The following HS6ST3 variants were observed in gnomAD, a reference collection of about 807,000 sequenced individuals.
HS6ST3 encodes the protein heparan-sulfate 6-O-sulfotransferase 3.
In HS6ST3, 12 loss-of-function variants were observed where a neutral mutation model predicts 36.7. That is an observed-to-expected ratio of 0.33 (90% CI 0.21 to 0.53). The LOEUF (loss-of-function observed/expected upper bound fraction) is 0.53. HS6ST3 is among the 20% of genes least tolerant of loss of function. The pLI is 0.95. For synonymous variants in HS6ST3, 240 were observed against 257.5 expected, an observed-to-expected ratio of 0.93 and a Z score of 0.65; for missense variants, 584 against 640.9, an observed-to-expected ratio of 0.91 and a Z score of 0.96.
chr13:96,445,319 G>T (rs2055692879), intron 1 of HS6ST3, among the ~76,000 whole-genome samples: 1 of 152,046 alleles, frequency 6.6e-6, no homozygotes, highest in Admixed American at 6.6e-5. Flanking sequence ...TGCTTGACAT[G>T]GGTGTTTGTA....
At chr13:96,358,442 A>T (rs1407518504) in intron 1 of HS6ST3, among the ~76,000 whole-genome samples, 2 of 152,200 alleles carry the variant, frequency 1.3e-5, no homozygotes, top group Non-Finnish European at 2.9e-5. Context: ...AATATGTTAC[A>T]TCTGGTCTCA....
At chr13:96,168,477 AG>A (rs1323792967) in intron 1 of HS6ST3, among the ~76,000 whole-genome samples, 2 of 152,042 alleles carry the variant, frequency 1.3e-5, no homozygotes, top group Admixed American at 1.3e-4. Context: ...TGGCCGGAGC[AG>A]GGGGATCCCT....
chr13:96,191,242 T>C (rs1037955320), intron 1 of HS6ST3, among the ~76,000 whole-genome samples: 3 of 152,196 alleles, frequency 2.0e-5, no homozygotes, highest in African/African-American at 4.8e-5. Context: ...ACCTGGTCTC[T>C]ACCTCACTGC....
intron 1 of HS6ST3, among the ~76,000 whole-genome samples, chr13:96,584,731 A>G (rs1367479924): frequency 6.6e-6 from 1 of 152,180 alleles, no homozygotes; most frequent in Non-Finnish European, 1.5e-5. Flanking sequence ...AAATGTAATA[A>G]AAATTTCAGG....
chr13:96,723,208 A>G (rs1431506082), intron 1 of HS6ST3, among the ~76,000 whole-genome samples: 1 of 152,130 alleles, frequency 6.6e-6, no homozygotes, highest in Non-Finnish European at 1.5e-5. Context: ...GGCCAATGAA[A>G]TGAAAGCAGA....
At chr13:96,691,102 T>C (rs1057506558) in intron 1 of HS6ST3, among the ~76,000 whole-genome samples, 5 of 152,130 alleles carry the variant, frequency 3.3e-5, no homozygotes, top group African/African-American at 1.2e-4. Context: ...CTTTAATGGA[T>C]CTGCTTCATT....
At chr13:96,112,760 C>G (rs1214537654) in intron 1 of HS6ST3, among the ~76,000 whole-genome samples, 1 of 62,304 alleles carries the variant, frequency 1.6e-5, no homozygotes, top group East Asian at 5.8e-4. Flanking sequence ...GAACAAGACT[C>G]TGTTTCAACA....
chr13:96,671,832 C>T (rs2056683765), intron 1 of HS6ST3, among the ~76,000 whole-genome samples: 1 of 152,078 alleles, frequency 6.6e-6, no homozygotes, highest in Admixed American at 6.6e-5. Context: ...GGGTTAAGAC[C>T]TCAGCATATG....
Position 96,091,698 on chromosome 13 carries a change from C to T in HS6ST3, c.707+129C>T. The T allele has an allele frequency of 6.1e-6, 8 of 1,319,778 alleles. No homozygotes were observed. In the South Asian group the frequency reaches 1.1e-4, roughly 18 times the overall value. The allele number at this position is 1,319,778 out of a possible 1,614,324, so 81.8% of individuals were successfully genotyped here. A position where few individuals can be genotyped will look rare whatever the true frequency, so the allele number is the denominator to read the frequency against. ...TCCTGGCGTCTTCAGCGGTTGGCGC[C>T]GTGGCTTTGGGGAGGGATGAGAAAC... is the stretch of plus-strand genomic sequence containing the variant. On this transcript the variant is annotated intron_variant, in intron 1 of 1. Coordinates refer to ENST00000376705, the MANE Select transcript of HS6ST3 (RefSeq NM_153456.4).
At chr13:96,343,985 G>A (rs750173500) in intron 1 of HS6ST3, among the ~76,000 whole-genome samples, 1 of 152,008 alleles carries the variant, frequency 6.6e-6, no homozygotes, top group Non-Finnish European at 1.5e-5. Context: ...CTTGTGATCC[G>A]CCTGCCTCAG....
intron 1 of HS6ST3, among the ~76,000 whole-genome samples, chr13:96,789,405 G>A (rs1049753831): frequency 6.6e-6 from 1 of 151,592 alleles, no homozygotes; most frequent in Non-Finnish European, 1.5e-5. Flanking sequence ...AGTTATCATT[G>A]AAATGGATAT....
At chr13:96,413,008 C>T (rs889449955) in intron 1 of HS6ST3, among the ~76,000 whole-genome samples, 3 of 152,176 alleles carry the variant, frequency 2.0e-5, no homozygotes, top group Admixed American at 6.5e-5. Context: ...CCCCTTCTTC[C>T]TGTGTTACTT....
rs2056059320 is a variant in HS6ST3, at chr13:96,513,505, A to G, written c.708-318985A>G. ...CATGATACTGACATTTTTAATGTAT[A>G]TTAGTTCTAGTTTTTATAAGTTTGT... is the stretch of plus-strand genomic sequence containing the variant. On this transcript the variant is annotated intron_variant, in intron 1 of 1. Transcript: ENST00000376705. 2.6e-5 allele frequency among the ~76,000 whole-genome samples: 4 copies of G among 152,098 alleles called. No homozygotes were observed. The South Asian group carries it at 6.2e-4, about 24-fold the overall frequency.
chr13:96,112,317 A>G (rs1027159706), intron 1 of HS6ST3, among the ~76,000 whole-genome samples: 24 of 152,062 alleles, frequency 1.6e-4, no homozygotes, highest in Admixed American at 3.9e-4. Context: ...AGAAAATAAT[A>G]TAAGCTTTGG....
At chr13:96,317,648 C>T (rs1183898600) in intron 1 of HS6ST3, among the ~76,000 whole-genome samples, 3 of 150,718 alleles carry the variant, frequency 2.0e-5, no homozygotes, top group East Asian at 3.9e-4. Flanking sequence ...CTGCTTTCTA[C>T]GGTGGCCGAA....
At chr13:96,697,683 C>G (rs1225522767) in intron 1 of HS6ST3, among the ~76,000 whole-genome samples, 1 of 152,122 alleles carries the variant, frequency 6.6e-6, no homozygotes, top group Non-Finnish European at 1.5e-5. Context: ...AACACTATAT[C>G]AAAAACTGGT....
intron 1 of HS6ST3, among the ~76,000 whole-genome samples, chr13:96,560,350 C>G (rs965908862): frequency 6.6e-6 from 1 of 152,106 alleles, no homozygotes; most frequent in Non-Finnish European, 1.5e-5. Flanking sequence ...AATGGTAGCT[C>G]TTTAAAAATC....
chr13:96,602,085 T>A (rs1271427306), intron 1 of HS6ST3, among the ~76,000 whole-genome samples: 2 of 152,300 alleles, frequency 1.3e-5, no homozygotes. Context: ...TCCACCCCAG[T>A]AGGAGGTGCC....
chr13:96,478,915 C>G lies in HS6ST3; in HGVS notation c.708-353575C>G, dbSNP rs114778797. Reference sequence around the variant, plus strand: ...TTAAATCCTTTCTCTTTCCTTCTGTCCTATACCTTTGGAATAACTGAGAAG... The same window carrying G: ...TTAAATCCTTTCTCTTTCCTTCTGTGCTATACCTTTGGAATAACTGAGAAG... On this transcript the variant is annotated intron_variant, in intron 1 of 1. Transcript: ENST00000376705. Among the ~76,000 whole-genome samples the G allele has an allele frequency of 2.5e-3, 387 of 152,220 alleles. 4 individuals carry two copies. The highest frequency in any genetic ancestry group is 9.1e-3 in the African/African-American group (376 of 41,546).
Sources: gnomAD v4.1 joint callset for allele counts (sites outside exome capture counted in the v4.1 genomes callset) on GRCh38, gnomAD v4.1.1 for gene constraint, MANE v1.5 for transcripts, NCBI Gene and HGNC (gene_info 2026-07-23, HGNC 2026-07-21) for gene names.